The following SLC71A1 variants were observed in gnomAD, a reference collection of about 807,000 sequenced individuals.
SLC71A1 encodes solute carrier family 71 member 1.
the SLC71A1 span, among the ~76,000 whole-genome samples, chr1:100,041,916 T>C: frequency 7.1e-6 from 1 of 141,124 alleles, no homozygotes; most frequent in East Asian, 1.9e-4. Context: ...GGAGTGAAAC[T>C]GTCTCAAAAA....
At chr1:100,042,946 T>G in the SLC71A1 span, 1 of 252,414 alleles carries the variant, frequency 4.0e-6, no homozygotes, top group Non-Finnish European at 6.3e-6. Context: ...ATCAGGGTGT[T>G]TATATTGTCT....
chr1:100,081,947 C>A, the SLC71A1 span: 1 of 1,350,122 alleles, frequency 7.4e-7, no homozygotes. Flanking sequence ...TATGTAGTTT[C>A]TCCTTATGAG....
the SLC71A1 span, chr1:100,043,114 C>T: frequency 1.0e-6 from 1 of 984,620 alleles, no homozygotes; most frequent in East Asian, 1.1e-4. Context: ...AGTTAGAAGA[C>T]TTGCATACCA....
chr1:100,045,264 A>T, the SLC71A1 span, among the ~76,000 whole-genome samples: 3 of 152,112 alleles, frequency 2.0e-5, no homozygotes, highest in African/African-American at 7.2e-5. Context: ...CAGCTATTGT[A>T]AAAGGGATTG....
At chr1:100,045,757 C>T in the SLC71A1 span, among the ~76,000 whole-genome samples, 1,746 of 151,452 alleles carry the variant, frequency 0.012, 19 homozygotes, top group East Asian at 0.035. Context: ...GTCGCCCAGG[C>T]GACATACATA....
At chr1:100,061,848 G>A in the SLC71A1 span, 2 of 1,608,992 alleles carry the variant, frequency 1.2e-6, no homozygotes, top group Admixed American at 3.3e-5. Context: ...GTACTTTGCT[G>A]TTATCTCTGT....
At chr1:100,046,361 G>A in the SLC71A1 span, among the ~76,000 whole-genome samples, 1 of 151,656 alleles carries the variant, frequency 6.6e-6, no homozygotes, top group African/African-American at 2.4e-5. Context: ...CGAGGAACTG[G>A]GATTACAGGT....
chr1:100,058,873 A>G, the SLC71A1 span: 1 of 473,166 alleles, frequency 2.1e-6, no homozygotes, highest in African/African-American at 2.0e-5. Flanking sequence ...AATTAGATGG[A>G]GTATATTTTG....
chr1:100,072,333 C>A, the SLC71A1 span, among the ~76,000 whole-genome samples: 1 of 152,114 alleles, frequency 6.6e-6, no homozygotes, highest in East Asian at 1.9e-4. Flanking sequence ...TTCTTTCTGC[C>A]TCCCCTTCCT....
At chr1:100,077,051 T>C in the SLC71A1 span, 1 of 604,774 alleles carries the variant, frequency 1.7e-6, no homozygotes, top group Admixed American at 3.4e-5. Flanking sequence ...AGGGCAATTA[T>C]TGCTGAAAAT....
At chr1:100,065,231 G>C in the SLC71A1 span, among the ~76,000 whole-genome samples, 2 of 152,046 alleles carry the variant, frequency 1.3e-5, no homozygotes, top group Non-Finnish European at 2.9e-5. Flanking sequence ...ATGGACATTT[G>C]ATTGATAGCT....
chr1:100,045,482 G>A, the SLC71A1 span, among the ~76,000 whole-genome samples: 1 of 151,938 alleles, frequency 6.6e-6, no homozygotes, highest in African/African-American at 2.4e-5. Context: ...TTGCATGCTC[G>A]TTATTCCTTT....
the SLC71A1 span, among the ~76,000 whole-genome samples, chr1:100,077,440 TCTC>T: frequency 1.5e-4 from 23 of 152,314 alleles, no homozygotes; most frequent in African/African-American, 4.8e-4. Context: ...ATTTATATGT[TCTC>T]CTAGAATGGC....
the SLC71A1 span, among the ~76,000 whole-genome samples, chr1:100,075,871 T>G: frequency 1.3e-5 from 2 of 152,156 alleles, no homozygotes; most frequent in Non-Finnish European, 2.9e-5. Context: ...AGAGATGTGG[T>G]CTCTTTATGT....
chr1:100,040,899 A>G, the SLC71A1 span, among the ~76,000 whole-genome samples: 9 of 152,158 alleles, frequency 5.9e-5, no homozygotes, highest in African/African-American at 9.7e-5. Flanking sequence ...AGTTCCGCCA[A>G]TGGGTAGATT....
the SLC71A1 span, among the ~76,000 whole-genome samples, chr1:100,046,497 A>T: frequency 1.3e-5 from 2 of 152,092 alleles, no homozygotes; most frequent in South Asian, 4.1e-4. Context: ...AAGTGCTGGG[A>T]TTACAGGCGT....
chr1:100,064,656 C>T, the SLC71A1 span, among the ~76,000 whole-genome samples: 1 of 152,000 alleles, frequency 6.6e-6, no homozygotes, highest in African/African-American at 2.4e-5. Flanking sequence ...ACTTCTTTCA[C>T]TTGGCATAAT....
At chr1:100,081,954 T>TG in the SLC71A1 span, 1 of 1,411,408 alleles carries the variant, frequency 7.1e-7, no homozygotes, top group East Asian at 2.3e-5. Context: ...TTTCTCCTTA[T>TG]GAGTAAAAGT....
chr1:100,054,532 C>T, the SLC71A1 span, among the ~76,000 whole-genome samples: 5 of 152,100 alleles, frequency 3.3e-5, no homozygotes, highest in African/African-American at 9.6e-5. Flanking sequence ...TTTGACAGAC[C>T]TATGGCTCTG....
Sources: allele counts gnomAD v4.1 joint callset (sites outside exome capture counted in the v4.1 genomes callset), GRCh38; gene constraint gnomAD v4.1.1; transcripts MANE v1.5; gene names NCBI Gene and HGNC (gene_info 2026-07-23, HGNC 2026-07-21).